GLDC: variants seen among roughly 807,000 people sequenced by gnomAD.
GLDC encodes the protein glycine dehydrogenase (decarboxylating), mitochondrial.
Under a neutral mutation model 121.3 loss-of-function variants are expected in GLDC, and 104 were observed. The observed-to-expected ratio is 0.86, with a 90% CI of 0.73 to 1.01. The LOEUF (loss-of-function observed/expected upper bound fraction) is 1.01, where lower values mean the gene tolerates loss of function less well. Ranked by LOEUF, GLDC falls within the 50% of genes least tolerant of loss-of-function variation. GLDC has a pLI of 0.00. For missense variants in GLDC, 1,429 were observed against 1,306.6 expected (o/e 1.09, Z -1.44); for synonymous variants, 546 against 480.6 (o/e 1.14, Z -1.78).
chr9:6,545,689 G>A (rs1292109745), intron 21 of GLDC, among the ~76,000 whole-genome samples: 1 of 152,120 alleles, frequency 6.6e-6, no homozygotes, highest in Non-Finnish European at 1.5e-5. Flanking sequence ...TGCCCAGGCT[G>A]GAGTGCAGTG....
At chr9:6,580,206 C>T (rs1418361099) in intron 15 of GLDC, among the ~76,000 whole-genome samples, 1 of 152,226 alleles carries the variant, frequency 6.6e-6, no homozygotes, top group African/African-American at 2.4e-5. Flanking sequence ...CTCTTACCCT[C>T]ACCCTAGGGC....
intron 3 of GLDC, among the ~76,000 whole-genome samples, chr9:6,612,003 T>A (rs937394834): frequency 2.0e-5 from 3 of 152,156 alleles, no homozygotes; most frequent in African/African-American, 7.2e-5. Flanking sequence ...TGCCTGCCTG[T>A]TGTCTATGCC....
intron 4 of GLDC, 102 bp from the exon 5 acceptor site, chr9:6,606,771 A>T: frequency 1.2e-6 from 1 of 807,306 alleles, no homozygotes; most frequent in Non-Finnish European, 2.2e-6. Context: ...GTCTAAGCAC[A>T]GTATAAAAAA....
intron 8 of GLDC, among the ~76,000 whole-genome samples, chr9:6,598,492 C>T (rs1235190751): frequency 1.3e-5 from 2 of 152,134 alleles, no homozygotes; most frequent in Non-Finnish European, 2.9e-5. Flanking sequence ...ACTCCCCCAC[C>T]CACCCCAGTG....
At chr9:6,621,690 G>C (rs552079954) in intron 2 of GLDC, among the ~76,000 whole-genome samples, 219 of 152,192 alleles carry the variant, frequency 1.4e-3, no homozygotes, top group African/African-American at 5.1e-3. Context: ...GCTAATTTTT[G>C]TATTTTTAGT....
At position 6,540,166 on chromosome 9, in the gene GLDC, C is replaced by G; in HGVS notation, c.2570-20G>C. 1.4e-6 allele frequency: 2 copies of G among 1,455,796 alleles called. No homozygotes were observed. The highest frequency in any genetic ancestry group is 1.9e-6 in the Non-Finnish European group (2 of 1,035,276). The allele number at this position is 1,455,796 out of a possible 1,614,324, so 90.2% of individuals were successfully genotyped here. On this transcript the variant is annotated intron_variant, in intron 21 of 24. Coordinates refer to ENST00000321612, the MANE Select transcript of GLDC (RefSeq NM_000170.3). ...CATAACCTGTTCAGGAAAGTTGTTT[C>G]AGCCCAAGATTAGCATCAGCTTATT...
intron 1 of GLDC, 89 bp downstream of exon 1, chr9:6,645,156 A>C: frequency 3.1e-6 from 4 of 1,305,060 alleles, no homozygotes; most frequent in Non-Finnish European, 4.2e-6. Flanking sequence ...GGAGCGCAGC[A>C]GAGCTCAGGG....
intron 3 of GLDC, among the ~76,000 whole-genome samples, chr9:6,611,880 A>T (rs941239860): frequency 6.6e-6 from 1 of 152,088 alleles, no homozygotes; most frequent in Admixed American, 6.6e-5. Flanking sequence ...TTCCAAGTAA[A>T]ATGAAAGTTT....
At chr9:6,542,483 C>G (rs1014893380) in intron 21 of GLDC, 1 of 152,178 alleles carries the variant, frequency 6.6e-6, no homozygotes, top group Non-Finnish European at 1.5e-5. Context: ...GTGATCCCCC[C>G]ACCTCAGCCT....
chr9:6,578,510 T>C (rs1161309849), intron 15 of GLDC, among the ~76,000 whole-genome samples: 4 of 152,144 alleles, frequency 2.6e-5, no homozygotes, highest in African/African-American at 9.7e-5. Context: ...TGCGGTATCT[T>C]CATTTTAATT....
At chr9:6,601,415 T>C (rs1237953080) in intron 8 of GLDC, among the ~76,000 whole-genome samples, 1 of 152,200 alleles carries the variant, frequency 6.6e-6, no homozygotes, top group African/African-American at 2.4e-5. Context: ...ATATTTTAAG[T>C]CTGTATATAA....
chr9:6,577,540 T>A (rs1179097240), intron 15 of GLDC, among the ~76,000 whole-genome samples: 1 of 152,220 alleles, frequency 6.6e-6, no homozygotes, highest in South Asian at 2.1e-4. Flanking sequence ...CATAAAAATA[T>A]CTTTTTTGAA....
chr9:6,630,630 G>A (rs1048313677), intron 2 of GLDC, among the ~76,000 whole-genome samples: 3 of 152,198 alleles, frequency 2.0e-5, no homozygotes, highest in Non-Finnish European at 4.4e-5. Context: ...TGTGAGGACA[G>A]AGACTGCCTG....
chr9:6,630,263 T>C (rs979575975), intron 2 of GLDC, among the ~76,000 whole-genome samples: 2 of 151,894 alleles, frequency 1.3e-5, no homozygotes, highest in Non-Finnish European at 2.9e-5. Context: ...AGCGAGACTC[T>C]GTCTCAGAAA....
intron 16 of GLDC, among the ~76,000 whole-genome samples, chr9:6,564,819 T>G (rs765935614): frequency 2.0e-5 from 3 of 152,230 alleles, no homozygotes; most frequent in Non-Finnish European, 4.4e-5. Context: ...GGTTCTCATA[T>G]CCAAAGCAAA....
intron 15 of GLDC, among the ~76,000 whole-genome samples, chr9:6,574,353 G>T (rs1157260024): frequency 6.6e-6 from 1 of 151,960 alleles, no homozygotes; most frequent in Non-Finnish European, 1.5e-5. Flanking sequence ...TGTAATTCCA[G>T]CTACTTGGGA....
chr9:6,637,973 G>A (rs948423732), intron 2 of GLDC, among the ~76,000 whole-genome samples: 2 of 151,392 alleles, frequency 1.3e-5, no homozygotes, highest in African/African-American at 2.4e-5. Context: ...ACAGGTGTCA[G>A]CCTGTAATCT....
intron 17 of GLDC, among the ~76,000 whole-genome samples, chr9:6,557,409 T>C (rs7041988): frequency 0.76 from 115,357 of 151,410 alleles, 44,321 homozygotes; most frequent in Middle Eastern, 0.83. Flanking sequence ...TCCTGGCCAA[T>C]ACGGGGAAAC....
At chr9:6,548,941 C>T (rs867889517) in intron 21 of GLDC, among the ~76,000 whole-genome samples, 8 of 152,150 alleles carry the variant, frequency 5.3e-5, no homozygotes, top group Non-Finnish European at 1.0e-4. Flanking sequence ...GCCCCCTCCT[C>T]CTTCACTACC....
Sources: gnomAD v4.1 joint callset for allele counts (sites outside exome capture counted in the v4.1 genomes callset) on GRCh38, gnomAD v4.1.1 for gene constraint, MANE v1.5 for transcripts, NCBI Gene and HGNC (gene_info 2026-07-23, HGNC 2026-07-21) for gene names.